The following DIP2C variants were observed in gnomAD, a reference collection of about 807,000 sequenced individuals.
DIP2C encodes the protein DIP2 acetate--CoA ligase C (putative), also known as disco-interacting protein 2 homolog C.
A neutral mutation model predicts 192.4 loss-of-function variants in DIP2C; 33 were observed. The ratio of observed to expected loss-of-function variants is 0.17; its 90% confidence interval spans 0.13 to 0.23. The LOEUF (loss-of-function observed/expected upper bound fraction) is 0.23, where lower values mean the gene tolerates loss of function less well. Ranked by LOEUF, DIP2C falls within the 10% of genes least tolerant of loss-of-function variation. DIP2C has a pLI of 1.00. For synonymous variants in DIP2C, 979 were observed against 864.1 expected, an observed-to-expected ratio of 1.13 and a Z score of -2.33; for missense variants, 1,537 against 2,110.1, an observed-to-expected ratio of 0.73 and a Z score of 5.32.
At chr10:581,460 G>GT (rs766523127) in intron 1 of DIP2C, among the ~76,000 whole-genome samples, 61 of 151,666 alleles carry the variant, frequency 4.0e-4, no homozygotes, top group African/African-American at 1.2e-3. Flanking sequence ...GTACTTAGAG[G>GT]TTTTTTTTAA....
At chr10:542,889 G>A (rs1241944272) in intron 1 of DIP2C, among the ~76,000 whole-genome samples, 1 of 152,030 alleles carries the variant, frequency 6.6e-6, no homozygotes, top group Admixed American at 6.5e-5. Flanking sequence ...GGATTGGGGA[G>A]TGGGGGGTTC....
rs565920536 is a variant in DIP2C, at chr10:577,067, T to A, written c.86-90537A>T. Among the ~76,000 whole-genome samples, 6 of 152,366 alleles carry A rather than the reference T, an allele frequency of 3.9e-5. No individual in the cohort carries two copies. The South Asian group carries it at 1.2e-3, about 32-fold the overall frequency. ...TATATCTTTCTAACACTGCTCAGCATGTTTACATTTGAACACACCTCAAGT... is the reference window on the plus strand; with the variant it reads ...TATATCTTTCTAACACTGCTCAGCAAGTTTACATTTGAACACACCTCAAGT... On this transcript the variant is annotated intron_variant, in intron 1 of 36. Transcript: ENST00000280886.
intron 26 of DIP2C, among the ~76,000 whole-genome samples, chr10:348,287 TGAG>T (rs1234687219): frequency 1.3e-5 from 2 of 152,236 alleles, no homozygotes; most frequent in Non-Finnish European, 2.9e-5. Context: ...TTCCACATCT[TGAG>T]GAGAGGGCTT....
chr10:283,120 C>T (rs1008439524), intron 35 of DIP2C, 152 bp downstream of exon 35: 26 of 1,103,690 alleles, frequency 2.4e-5, no homozygotes, highest in South Asian at 3.1e-5. Flanking sequence ...TCCTCTTGCT[C>T]TTAAACTCGG....
At chr10:476,571 T>C (rs1045061667) in intron 2 of DIP2C, among the ~76,000 whole-genome samples, 1 of 152,206 alleles carries the variant, frequency 6.6e-6, no homozygotes, top group African/African-American at 2.4e-5. Flanking sequence ...GATCCATGAG[T>C]GCGAGCGGCC....
intron 1 of DIP2C, among the ~76,000 whole-genome samples, chr10:521,193 G>C (rs1209689761): frequency 6.6e-6 from 1 of 152,144 alleles, no homozygotes; most frequent in Non-Finnish European, 1.5e-5. Flanking sequence ...ATTTTAAGCA[G>C]ATCAAGCATC....
At chr10:486,141 C>G (rs1843996671) in intron 2 of DIP2C, among the ~76,000 whole-genome samples, 2 of 136,208 alleles carry the variant, frequency 1.5e-5, no homozygotes, top group Non-Finnish European at 3.5e-5. Flanking sequence ...TAATAAATAG[C>G]TCTCTAAACC....
rs11595675 is a variant in DIP2C, at chr10:678,759, T to C, written c.85+10735A>G. On this transcript the variant is annotated intron_variant, in intron 1 of 36. Coordinates refer to ENST00000280886, the MANE Select transcript of DIP2C (RefSeq NM_014974.3). The stretch of plus-strand genomic sequence containing the variant: ...CCCGCGCCCATCTCTGCTCCCCATG[T>C]CCATGCTCCCCGCACCTGTCCTCCC... Among the ~76,000 whole-genome samples the C allele has an allele frequency of 2.8e-3, 109 of 38,512 alleles. 1 individual carries two copies. The highest frequency in any genetic ancestry group is 3.6e-3 in the South Asian group (2 of 554). 25.3% of individuals were successfully genotyped at this position (38,512 alleles called of 152,430 possible).
chr10:662,258 T>G (rs1856806064), intron 1 of DIP2C: 1 of 629,258 alleles, frequency 1.6e-6, no homozygotes. Context: ...AGGTACTGTA[T>G]GAGGTACCTA....
At chr10:623,072 G>A (rs1853969962) in intron 1 of DIP2C, among the ~76,000 whole-genome samples, 1 of 152,234 alleles carries the variant, frequency 6.6e-6, no homozygotes, top group Non-Finnish European at 1.5e-5. Context: ...ACAGAGAGGT[G>A]CATTCTGACA....
intron 1 of DIP2C, among the ~76,000 whole-genome samples, chr10:617,833 C>A (rs1853579982): frequency 6.6e-6 from 1 of 152,192 alleles, no homozygotes; most frequent in Admixed American, 6.5e-5. Context: ...CCCCCCAGCC[C>A]CAGGTGTCTG....
chr10:325,266 AAAACAAAC>A (rs200229242), intron 31 of DIP2C, among the ~76,000 whole-genome samples: 1 of 152,170 alleles, frequency 6.6e-6, no homozygotes, highest in South Asian at 2.1e-4. Context: ...CTCCATCTCA[AAAACAAAC>A]AAACAAAAAA....
At chr10:448,162 C>T in intron 3 of DIP2C, among the ~76,000 whole-genome samples, 2 of 125,534 alleles carry the variant, frequency 1.6e-5, no homozygotes, top group Middle Eastern at 8.9e-3. Context: ...GCAGGACCCG[C>T]TCACTCCCGT....
chr10:505,371 G>C (rs1001725960), intron 1 of DIP2C, among the ~76,000 whole-genome samples: 4 of 152,200 alleles, frequency 2.6e-5, no homozygotes, highest in African/African-American at 9.7e-5. Context: ...ACGGACAGGG[G>C]CATCTCCACC....
intron 3 of DIP2C, among the ~76,000 whole-genome samples, chr10:449,747 A>G (rs1226898938): frequency 6.7e-6 from 1 of 150,042 alleles, no homozygotes; most frequent in Non-Finnish European, 1.5e-5. Context: ...TAACCTGCAC[A>G]ATGTGCACAT....
intron 1 of DIP2C, among the ~76,000 whole-genome samples, chr10:634,976 G>A (rs1854749167): frequency 6.6e-6 from 1 of 152,124 alleles, no homozygotes; most frequent in South Asian, 2.1e-4. Context: ...CCACGAACAA[G>A]CAAGATTTAC....
At chr10:338,600 T>C (rs994363108) in intron 29 of DIP2C, among the ~76,000 whole-genome samples, 7 of 152,180 alleles carry the variant, frequency 4.6e-5, no homozygotes, top group Non-Finnish European at 8.8e-5. Context: ...CAGCCAAGTC[T>C]GTGCAAGCAA....
intron 23 of DIP2C, among the ~76,000 whole-genome samples, 196 bp downstream of exon 23, chr10:357,632 C>A (rs1011888207): frequency 1.3e-5 from 2 of 152,196 alleles, no homozygotes; most frequent in African/African-American, 4.8e-5. Flanking sequence ...CAGTGGTGGT[C>A]CACCACCAGC....
chr10:465,388 CA>C (rs2133400120), intron 3 of DIP2C, among the ~76,000 whole-genome samples: 1 of 150,622 alleles, frequency 6.6e-6, no homozygotes, highest in South Asian at 2.1e-4. Context: ...GGACATATTT[CA>C]AAATAATAAG....
Sources: gnomAD v4.1 joint callset for allele counts (sites outside exome capture counted in the v4.1 genomes callset) on GRCh38, gnomAD v4.1.1 for gene constraint, MANE v1.5 for transcripts, NCBI Gene and HGNC (gene_info 2026-07-23, HGNC 2026-07-21) for gene names.